The following ADIPOR2 variants were observed in gnomAD, a reference collection of about 807,000 sequenced individuals.
ADIPOR2 encodes the protein adiponectin receptor protein 2.
ADIPOR2 carries 18 observed loss-of-function variants against 40.9 expected under a neutral mutation model. The observed-to-expected ratio is 0.44, with a 90% CI of 0.30 to 0.65. The LOEUF (loss-of-function observed/expected upper bound fraction) is 0.65. Ranked by LOEUF, ADIPOR2 falls within the 30% of genes least tolerant of loss-of-function variation. The pLI is 0.09. For synonymous variants in ADIPOR2, 165 were observed against 166.4 expected (o/e 0.99, Z 0.06); for missense variants, 283 against 479.2 (o/e 0.59, Z 3.82).
At chr12:1,741,597 G>A (rs997858028) in intron 1 of ADIPOR2, among the ~76,000 whole-genome samples, 1 of 152,130 alleles carries the variant, frequency 6.6e-6, no homozygotes, top group Non-Finnish European at 1.5e-5. Flanking sequence ...CATTAAATAG[G>A]AAAACAGAAG....
chr12:1,748,857 A>G (rs1482912529), intron 1 of ADIPOR2, among the ~76,000 whole-genome samples: 4 of 151,960 alleles, frequency 2.6e-5, no homozygotes, highest in Middle Eastern at 3.2e-3. Flanking sequence ...AGCAGCAGAC[A>G]GCAGCCTGAG....
At chr12:1,728,958 G>GTTTTT (rs66842156) in intron 1 of ADIPOR2, among the ~76,000 whole-genome samples, 10 of 109,988 alleles carry the variant, frequency 9.1e-5, no homozygotes, top group South Asian at 3.2e-4. Context: ...GTTCTGGACT[G>GTTTTT]TTTTTTTTTT....
chr12:1,766,891 T>C (rs1352735449), intron 2 of ADIPOR2, among the ~76,000 whole-genome samples: 7 of 152,208 alleles, frequency 4.6e-5, no homozygotes, highest in Non-Finnish European at 8.8e-5. Flanking sequence ...TATATAATAG[T>C]TTATTGTAAG....
intron 1 of ADIPOR2, among the ~76,000 whole-genome samples, chr12:1,748,473 C>T (rs2094761581): frequency 6.6e-6 from 1 of 152,110 alleles, no homozygotes; most frequent in Admixed American, 6.5e-5. Flanking sequence ...TGGTCTCAAT[C>T]TCCTGACCTT....
chr12:1,730,570 TAGTGCTACTGCAC>T, intron 1 of ADIPOR2, among the ~76,000 whole-genome samples: 4 of 143,004 alleles, frequency 2.8e-5, no homozygotes, highest in African/African-American at 1.0e-4. Flanking sequence ...TGAGCCGAGA[TAGTGCTACTGCAC>T]TCCAGCCTGG....
At chr12:1,761,832 C>T (rs1258151036) in intron 2 of ADIPOR2, among the ~76,000 whole-genome samples, 1 of 152,138 alleles carries the variant, frequency 6.6e-6, no homozygotes, top group Non-Finnish European at 1.5e-5. Flanking sequence ...TTGTGCTGTC[C>T]AATATATTCT....
In ADIPOR2 at chr12:1,754,496, A is replaced by G. The variant is rs1862069983; in HGVS notation, c.153A>G (p.Leu51=). The G allele has an allele frequency of 1.3e-6, 2 of 1,599,844 alleles. No homozygotes were observed. Among genetic ancestry groups the G allele is most frequent in the Admixed American group, 1.8e-5 (1 of 56,578 alleles). The change falls in exon 2 of 8, where the codon CTA becomes CTG. Residue 51 remains leucine (L), a synonymous_variant. Coordinates refer to ENST00000357103, the MANE Select transcript of ADIPOR2 (RefSeq NM_024551.3). ...AGCCCATTTTAGAGGCATCTGTTCT[A>G]TCTTCCCATCATAAAAAAGTAAGTC... ...DLEPILEASV[L]SSHHKKSSEE...
At chr12:1,699,482 A>G (rs1052303471) in intron 1 of ADIPOR2, among the ~76,000 whole-genome samples, 1 of 151,994 alleles carries the variant, frequency 6.6e-6, no homozygotes, top group Non-Finnish European at 1.5e-5. Context: ...AAACAAAACA[A>G]AAAAAACCAA....
intron 1 of ADIPOR2, among the ~76,000 whole-genome samples, chr12:1,746,977 A>G (rs1366459018): frequency 1.3e-5 from 2 of 151,940 alleles, no homozygotes; most frequent in Non-Finnish European, 2.9e-5. Flanking sequence ...TGAGGTTGCA[A>G]TGAACTGTGA....
chr12:1,740,517 TTTAACCTTGATTACC>T (rs1320912781), intron 1 of ADIPOR2, among the ~76,000 whole-genome samples: 5 of 152,232 alleles, frequency 3.3e-5, no homozygotes, highest in Non-Finnish European at 7.3e-5. Context: ...TGTAACTTCA[TTTAACCTTGATTACC>T]TCTCTAAAGC....
chr12:1,710,504 G>A (rs888781707), intron 1 of ADIPOR2, among the ~76,000 whole-genome samples: 7 of 151,988 alleles, frequency 4.6e-5, no homozygotes, highest in Non-Finnish European at 1.5e-5. Context: ...CAATTCAGGG[G>A]CTAAACACCA....
intron 1 of ADIPOR2, among the ~76,000 whole-genome samples, chr12:1,751,368 CT>C (rs2094768739): frequency 2.0e-5 from 3 of 152,022 alleles, no homozygotes. Flanking sequence ...GATCTCAGGA[CT>C]TTACTGGAGA....
intron 1 of ADIPOR2, among the ~76,000 whole-genome samples, chr12:1,740,822 C>CAGAT (rs1402929224): frequency 2.0e-5 from 3 of 152,104 alleles, no homozygotes; most frequent in Admixed American, 6.5e-5. Context: ...TTGAGAAAGA[C>CAGAT]AGATAATTAA....
At chr12:1,735,940 GA>G in intron 1 of ADIPOR2, among the ~76,000 whole-genome samples, 1 of 152,344 alleles carries the variant, frequency 6.6e-6, no homozygotes, top group East Asian at 1.9e-4. Flanking sequence ...TCCCAGGGAT[GA>G]AGCCCACTTG....
At chr12:1,727,988 G>A (rs2094711395) in intron 1 of ADIPOR2, among the ~76,000 whole-genome samples, 1 of 152,158 alleles carries the variant, frequency 6.6e-6, no homozygotes, top group East Asian at 1.9e-4. Flanking sequence ...TTGAAGGACA[G>A]CTGAGCTCCC....
intron 1 of ADIPOR2, among the ~76,000 whole-genome samples, chr12:1,723,274 C>T (rs1181376348): frequency 6.6e-6 from 1 of 152,044 alleles, no homozygotes; most frequent in Admixed American, 6.6e-5. Context: ...GTCTCCTTCG[C>T]ATGTTCCATG....
chr12:1,774,658 A>G (rs536922369), intron 3 of ADIPOR2, among the ~76,000 whole-genome samples: 5 of 152,254 alleles, frequency 3.3e-5, no homozygotes, highest in Non-Finnish European at 7.3e-5. Context: ...ATTTACCAGC[A>G]TAACCAGGTC....
At chr12:1,784,386 AG>A (rs1181186070) in intron 7 of ADIPOR2, among the ~76,000 whole-genome samples, 2 of 152,254 alleles carry the variant, frequency 1.3e-5, no homozygotes, top group African/African-American at 4.8e-5. Flanking sequence ...TAGGGAGGTG[AG>A]GCCACTTGTC....
intron 1 of ADIPOR2, among the ~76,000 whole-genome samples, chr12:1,718,173 C>T (rs920863368): frequency 7.2e-5 from 11 of 152,054 alleles, no homozygotes; most frequent in African/African-American, 1.9e-4. Context: ...AATTATCCTT[C>T]GAGTTTTATG....
Sources: gnomAD v4.1 joint callset for allele counts (sites outside exome capture counted in the v4.1 genomes callset) on GRCh38, gnomAD v4.1.1 for gene constraint, MANE v1.5 for transcripts, NCBI Gene and HGNC (gene_info 2026-07-23, HGNC 2026-07-21) for gene names.